Variants in SETBP1 observed in about 807,000 individuals in gnomAD.
SETBP1 encodes the protein SET binding protein 1.
Under a neutral mutation model 101.0 loss-of-function variants are expected in SETBP1, and 9 were observed. The observed-to-expected ratio is 0.09, with a 90% CI of 0.05 to 0.16. The LOEUF (loss-of-function observed/expected upper bound fraction) is 0.16, where lower values mean the gene tolerates loss of function less well. SETBP1 is among the 10% of genes least tolerant of loss of function. The pLI is 1.00. For synonymous variants in SETBP1, 818 were observed against 788.5 expected (o/e 1.04, Z -0.63); for missense variants, 1,858 against 2,033.8 (o/e 0.91, Z 1.66).
chr18:44,921,399 G>A (rs2070576329), intron 3 of SETBP1, among the ~76,000 whole-genome samples: 1 of 152,198 alleles, frequency 6.6e-6, no homozygotes, highest in Non-Finnish European at 1.5e-5. Flanking sequence ...CAGGGGGCTG[G>A]ACACTGCCTG....
chr18:44,790,851 G>A (rs1177420005), intron 2 of SETBP1, among the ~76,000 whole-genome samples: 2 of 151,510 alleles, frequency 1.3e-5, no homozygotes, highest in African/African-American at 4.9e-5. Context: ...ACTTTGGGGA[G>A]ATAAAAATGT....
At chr18:44,826,014 C>T (rs868275389) in intron 2 of SETBP1, among the ~76,000 whole-genome samples, 1 of 152,168 alleles carries the variant, frequency 6.6e-6, no homozygotes, top group East Asian at 1.9e-4. Context: ...AAGCAAACGA[C>T]TTGCATAATA....
intron 5 of SETBP1, among the ~76,000 whole-genome samples, chr18:45,039,433 T>C (rs1436487836): frequency 6.6e-6 from 1 of 152,112 alleles, no homozygotes; most frequent in Non-Finnish European, 1.5e-5. Flanking sequence ...CCTTACTCAA[T>C]TCCTAATTAC....
At chr18:44,714,868 C>G (rs2069428263) in intron 2 of SETBP1, among the ~76,000 whole-genome samples, 1 of 152,144 alleles carries the variant, frequency 6.6e-6, no homozygotes, top group Admixed American at 6.5e-5. Context: ...ACAATCACAT[C>G]TGCCCAGCAC....
At chr18:44,965,441 C>T (rs1257396871) in intron 4 of SETBP1, among the ~76,000 whole-genome samples, 1 of 152,122 alleles carries the variant, frequency 6.6e-6, no homozygotes, top group Admixed American at 6.6e-5. Context: ...ATTCCTTATG[C>T]TTGCTTATTA....
At chr18:44,757,220 G>A (rs2070517105) in intron 2 of SETBP1, among the ~76,000 whole-genome samples, 1 of 152,106 alleles carries the variant, frequency 6.6e-6, no homozygotes, top group South Asian at 2.1e-4. Context: ...CTCCCCCTCT[G>A]CCCTGAATTT....
chr18:44,998,650 G>A (rs1459868180), intron 4 of SETBP1, among the ~76,000 whole-genome samples: 1 of 152,178 alleles, frequency 6.6e-6, no homozygotes, highest in African/African-American at 2.4e-5. Flanking sequence ...ACCCACCAAT[G>A]TGTCTTCTGC....
chr18:44,689,862 G>C (rs188441922), intron 1 of SETBP1, among the ~76,000 whole-genome samples: 146 of 152,288 alleles, frequency 9.6e-4, no homozygotes, highest in Middle Eastern at 3.4e-3. Context: ...TGTCCTGTAG[G>C]AAACAGGCCA....
At chr18:44,824,551 A>G (rs1265418414) in intron 2 of SETBP1, among the ~76,000 whole-genome samples, 1 of 152,166 alleles carries the variant, frequency 6.6e-6, no homozygotes, top group Admixed American at 6.6e-5. Context: ...TTGCTGATGG[A>G]TTTCCTGATT....
At chr18:44,896,029 T>C (rs1354476318) in intron 3 of SETBP1, among the ~76,000 whole-genome samples, 1 of 152,094 alleles carries the variant, frequency 6.6e-6, no homozygotes, top group Non-Finnish European at 1.5e-5. Flanking sequence ...AGTGAAAATG[T>C]TGGAGAGGAA....
In SETBP1 at chr18:44,761,379, A is replaced by G. The variant is rs1370751794; in HGVS notation, c.486+59547A>G. Reference sequence around the variant, plus strand: ...TACCACAACTTATTCTTTCTATCTGACTATAACTTTGTACCCATTGGCCAA... The same window carrying G: ...TACCACAACTTATTCTTTCTATCTGGCTATAACTTTGTACCCATTGGCCAA... On this transcript the variant is annotated intron_variant, in intron 2 of 5. Coordinates refer to ENST00000649279, the MANE Select transcript of SETBP1 (RefSeq NM_015559.3). 2.0e-5 allele frequency among the ~76,000 whole-genome samples: 3 copies of G among 152,182 alleles called. No homozygotes were observed. In the East Asian group the frequency reaches 5.8e-4, roughly 29 times the overall value.
intron 2 of SETBP1, among the ~76,000 whole-genome samples, chr18:44,764,952 G>T (rs1047491024): frequency 5.3e-5 from 8 of 152,166 alleles, no homozygotes; most frequent in African/African-American, 1.7e-4. Flanking sequence ...GGCACAGAGT[G>T]CATGTTCAAC....
At chr18:44,857,407 T>A in intron 2 of SETBP1, among the ~76,000 whole-genome samples, 1 of 152,152 alleles carries the variant, frequency 6.6e-6, no homozygotes. Context: ...GGCTGTCAGA[T>A]CAGAAAGGAT....
chr18:44,958,915 T>C (rs1323735845), intron 4 of SETBP1, among the ~76,000 whole-genome samples: 1 of 152,108 alleles, frequency 6.6e-6, no homozygotes, highest in African/African-American at 2.4e-5. Context: ...CCAAGTTTCC[T>C]CCTAAGGTTT....
intron 4 of SETBP1, among the ~76,000 whole-genome samples, chr18:44,992,235 GAAGA>G (rs2072394496): frequency 6.6e-6 from 1 of 151,992 alleles, no homozygotes; most frequent in African/African-American, 2.4e-5. Flanking sequence ...AAAAAAAGTA[GAAGA>G]AAGGAATGTA....
intron 2 of SETBP1, among the ~76,000 whole-genome samples, chr18:44,723,214 T>C (rs1415425957): frequency 6.6e-6 from 1 of 152,238 alleles, no homozygotes; most frequent in Non-Finnish European, 1.5e-5. Flanking sequence ...TCTCCTTCTC[T>C]TCCTCTCACT....
intron 2 of SETBP1, among the ~76,000 whole-genome samples, chr18:44,786,449 T>C (rs1305440485): frequency 6.6e-6 from 1 of 152,230 alleles, no homozygotes; most frequent in Admixed American, 6.5e-5. Context: ...CACCTAATTA[T>C]GGAACTACTG....
rs527385095 is a variant in SETBP1, at chr18:44,916,096, C to T, written c.541-33785C>T. Among the ~76,000 whole-genome samples the T allele has an allele frequency of 4.5e-4, 69 of 152,148 alleles. 3 individuals carry two copies. In the South Asian group the frequency reaches 0.012, roughly 27 times the overall value. On this transcript the variant is annotated intron_variant, in intron 3 of 5. Transcript: ENST00000649279. ...CAAAAATTAGCCAGTCATGGTGGTA[C>T]GCGCCTGTAGTCCCAGCTACTCGGG... is the stretch of plus-strand genomic sequence containing the variant.
intron 4 of SETBP1, among the ~76,000 whole-genome samples, chr18:45,034,385 T>A (rs1478941601): frequency 6.6e-6 from 1 of 152,128 alleles, no homozygotes; most frequent in African/African-American, 2.4e-5. Context: ...AGCTTCTGCA[T>A]CGAAGGAGCA....
Sources: gnomAD v4.1 joint callset for allele counts (sites outside exome capture counted in the v4.1 genomes callset) on GRCh38, gnomAD v4.1.1 for gene constraint, MANE v1.5 for transcripts, NCBI Gene and HGNC (gene_info 2026-07-23, HGNC 2026-07-21) for gene names.